Variants in EGFL6 observed in about 807,000 individuals in gnomAD.
EGFL6 encodes epidermal growth factor-like protein 6.
In EGFL6, 42 loss-of-function variants were observed where a neutral mutation model predicts 43.1. The ratio of observed to expected loss-of-function variants is 0.98; its 90% CI spans 0.76 to 1.26. The LOEUF (loss-of-function observed/expected upper bound fraction) is 1.26. Among genes scored for constraint, EGFL6 ranks in the 50% most tolerant of loss-of-function variants. EGFL6 has a pLI of 0.00. For synonymous variants in EGFL6, 164 were observed against 163.2 expected (o/e 1.01, Z -0.04); for missense variants, 429 against 427.8 (o/e 1.00, Z -0.02).
intron 1 of EGFL6, among the ~76,000 whole-genome samples, chrX:13,576,363 CATTCATGAG>C (rs2045471304): frequency 8.9e-6 from 1 of 111,868 alleles, no homozygotes; most frequent in African/African-American, 3.3e-5. Flanking sequence ...GGTGCTAAAC[CATTCATGAG>C]AAATCCACCC....
At chrX:13,622,459 T>A (rs1303090314) in intron 9 of EGFL6, among the ~76,000 whole-genome samples, 2 of 112,244 alleles carry the variant, frequency 1.8e-5, no homozygotes, top group African/African-American at 6.5e-5. Context: ...GCTGTGTTTC[T>A]TTTTACCCTA....
rs1295341709 is a variant in EGFL6 at position 13,633,425 on chromosome X, G to A, written c.*330G>A. On this transcript the variant is annotated 3_prime_UTR_variant, in exon 12 of 12. Coordinates refer to ENST00000361306, the MANE Select transcript of EGFL6 (RefSeq NM_015507.4). The stretch of plus-strand genomic sequence containing the variant: ...ACATTTCTAGAAAATAGAAAAAAAA[G>A]CACAGAGAAATGTTTAACTGTTTGA... 7.1e-6 allele frequency: 1 copy of A among 141,015 alleles called. No homozygotes were observed. The highest frequency in any genetic ancestry group is 1.4e-5 in the Non-Finnish European group (1 of 73,379). 11.6% of individuals were successfully genotyped at this position (141,015 alleles called of 1,213,427 possible).
chrX:13,606,127 A>T, intron 5 of EGFL6, among the ~76,000 whole-genome samples: 1 of 111,966 alleles, frequency 8.9e-6, no homozygotes. Flanking sequence ...CTAACAGAAG[A>T]TGTGAATGTA....
intron 1 of EGFL6, among the ~76,000 whole-genome samples, chrX:13,572,649 C>A (rs1184532934): frequency 9.0e-6 from 1 of 111,666 alleles, no homozygotes; most frequent in Admixed American, 9.5e-5. Flanking sequence ...CAACATATTT[C>A]TGTTTTATAT....
intron 1 of EGFL6, 32 bp downstream of exon 1, chrX:13,569,967 C>A (rs756234029): frequency 5.9e-6 from 7 of 1,195,523 alleles, no homozygotes; most frequent in South Asian, 3.6e-5. Context: ...GGCTTCCCCC[C>A]ACCCCCGGCC....
At chrX:13,615,251 A>C (rs2146702896) in intron 7 of EGFL6, among the ~76,000 whole-genome samples, 1 of 112,807 alleles carries the variant, frequency 8.9e-6, no homozygotes, top group East Asian at 2.8e-4. Flanking sequence ...TGTCAACACT[A>C]TCAAGATTAT....
intron 2 of EGFL6, among the ~76,000 whole-genome samples, chrX:13,593,628 G>A (rs1409331819): frequency 1.8e-5 from 2 of 111,949 alleles, no homozygotes; most frequent in Non-Finnish European, 3.8e-5. Flanking sequence ...GGAAAGCAGG[G>A]AGAGGGATTC....
chrX:13,600,277 CTTCTTTT>C (rs1569205730), intron 4 of EGFL6, among the ~76,000 whole-genome samples, 183 bp downstream of exon 4: 2 of 60,651 alleles, frequency 3.3e-5, no homozygotes, highest in South Asian at 1.8e-3. Context: ...TTCTTTCTTT[CTTCTTTT>C]TTTTTTTTTT....
intron 1 of EGFL6, among the ~76,000 whole-genome samples, chrX:13,587,927 G>A (rs2045542504): frequency 9.0e-6 from 1 of 111,662 alleles, no homozygotes; most frequent in Non-Finnish European, 1.9e-5. Context: ...GGGGACATTT[G>A]GCAATGTCTG....
At chrX:13,625,638 C>T (rs2045774452) in intron 10 of EGFL6, among the ~76,000 whole-genome samples, 1 of 110,272 alleles carries the variant, frequency 9.1e-6, no homozygotes, top group Non-Finnish European at 1.9e-5. Context: ...GAGCTGAGAT[C>T]GCACTATTGC....
At chrX:13,610,206 A>G (rs1018440090) in intron 7 of EGFL6, among the ~76,000 whole-genome samples, 2 of 112,450 alleles carry the variant, frequency 1.8e-5, no homozygotes, top group African/African-American at 6.5e-5. Context: ...AGTCTGGGAA[A>G]TATAGTATGG....
intron 2 of EGFL6, among the ~76,000 whole-genome samples, chrX:13,593,033 G>C (rs1016363189): frequency 2.6e-4 from 28 of 107,191 alleles, no homozygotes; most frequent in Middle Eastern, 4.3e-3. Flanking sequence ...TCCTGCCTCA[G>C]TCTCCCAAGT....
intron 9 of EGFL6, among the ~76,000 whole-genome samples, chrX:13,622,645 G>A (rs781664812): frequency 4.5e-5 from 5 of 112,099 alleles, no homozygotes; most frequent in African/African-American, 1.6e-4. Context: ...TAAAGGGCTA[G>A]ATAGTACATA....
chrX:13,594,785 A>C, intron 2 of EGFL6, 51 bp from the exon 3 acceptor site: 3 of 1,133,130 alleles, frequency 2.6e-6, no homozygotes, highest in Non-Finnish European at 3.6e-6. Flanking sequence ...CGTGCATTTC[A>C]CTACACTAAC....
intron 7 of EGFL6, among the ~76,000 whole-genome samples, chrX:13,616,155 C>A (rs1056795514): frequency 1.8e-5 from 2 of 112,058 alleles, no homozygotes; most frequent in African/African-American, 6.5e-5. Flanking sequence ...TTAATTACTT[C>A]TTTACATCAG....
chrX:13,594,452 G>A (rs764622393), intron 2 of EGFL6, among the ~76,000 whole-genome samples: 6 of 111,786 alleles, frequency 5.4e-5, no homozygotes, highest in South Asian at 3.8e-4. Flanking sequence ...GACTGATAAT[G>A]TGCAGCATTA....
At chrX:13,624,021 C>A in intron 10 of EGFL6, 96 bp downstream of exon 10, 1 of 706,117 alleles carries the variant, frequency 1.4e-6, no homozygotes. Context: ...CTCATCAGAG[C>A]AGGGTTGTTT....
intron 1 of EGFL6, among the ~76,000 whole-genome samples, chrX:13,570,172 C>G (rs1234390156): frequency 1.8e-5 from 2 of 111,716 alleles, no homozygotes; most frequent in Non-Finnish European, 3.8e-5. Flanking sequence ...AGCTGTGCCC[C>G]ACCTGGCTGC....
chrX:13,570,931 T>C (rs2045438303), intron 1 of EGFL6, among the ~76,000 whole-genome samples: 1 of 112,095 alleles, frequency 8.9e-6, no homozygotes, highest in Non-Finnish European at 1.9e-5. Flanking sequence ...GATGTCTTGC[T>C]TTCTACTTAG....
Sources: gnomAD v4.1 joint callset for allele counts (sites outside exome capture counted in the v4.1 genomes callset) on GRCh38, gnomAD v4.1.1 for gene constraint, MANE v1.5 for transcripts, NCBI Gene and HGNC (gene_info 2026-07-23, HGNC 2026-07-21) for gene names.